Variants in APBA1 observed in about 807,000 individuals in gnomAD.
APBA1 encodes the protein amyloid beta precursor protein binding family A member 1.
In APBA1, 55 loss-of-function variants were observed where a neutral mutation model predicts 86.6. The ratio of observed to expected loss-of-function variants is 0.64; its 90% CI spans 0.51 to 0.80. The LOEUF (loss-of-function observed/expected upper bound fraction) is 0.80, where lower values mean the gene tolerates loss of function less well. Ranked by LOEUF, APBA1 falls within the 30% of genes least tolerant of loss-of-function variation. The pLI is 0.00. For synonymous variants in APBA1, 511 were observed against 493.9 expected (o/e 1.03, Z -0.46); for missense variants, 1,090 against 1,183.0 (o/e 0.92, Z 1.15).
chr9:69,597,385 T>G (rs1408293590), intron 1 of APBA1, among the ~76,000 whole-genome samples: 1 of 152,214 alleles, frequency 6.6e-6, no homozygotes, highest in Non-Finnish European at 1.5e-5. Context: ...TAAATTTGTT[T>G]GAGTTCATTG....
At position 69,512,370 on chromosome 9, in the gene APBA1, G is replaced by A. The variant is rs1050966340; in HGVS notation, c.1200+3641C>T. On this transcript the variant is annotated intron_variant, in intron 2 of 12. Transcript: ENST00000265381. Reference sequence around the variant, plus strand: ...AATGCCAGTTTGCTCCAAGAAAAAAGCACTTAAGTTCTGGGGGAATTAAAA... The same window carrying A: ...AATGCCAGTTTGCTCCAAGAAAAAAACACTTAAGTTCTGGGGGAATTAAAA... Among the ~76,000 whole-genome samples the A allele has an allele frequency of 8.5e-5, 13 of 152,082 alleles. 1 individual carries two copies. The highest frequency in any genetic ancestry group is 6.5e-5 in the Admixed American group (1 of 15,278).
chr9:69,602,895 A>T (rs1339234499), intron 1 of APBA1, among the ~76,000 whole-genome samples: 2 of 152,206 alleles, frequency 1.3e-5, no homozygotes, highest in Non-Finnish European at 2.9e-5. Flanking sequence ...TCTGGCAAAC[A>T]AAAAAATACA....
intron 1 of APBA1, among the ~76,000 whole-genome samples, chr9:69,623,381 C>G (rs774799757): frequency 1.3e-5 from 2 of 150,728 alleles, no homozygotes; most frequent in Non-Finnish European, 2.9e-5. Context: ...AAGACTTGCT[C>G]TCTGTTAAAA....
At chr9:69,476,187 C>A (rs377659402) in intron 2 of APBA1, 44 bp from the exon 3 acceptor site, 3 of 1,456,474 alleles carry the variant, frequency 2.1e-6, no homozygotes, top group South Asian at 1.2e-5. Flanking sequence ...TTGAGAGACT[C>A]GGCAGACACT....
intron 2 of APBA1, among the ~76,000 whole-genome samples, chr9:69,482,240 A>G (rs1163511485): frequency 1.3e-5 from 2 of 151,016 alleles, no homozygotes; most frequent in Non-Finnish European, 2.9e-5. Flanking sequence ...AAGGGCTAAT[A>G]TTCAGAATCT....
At chr9:69,600,694 G>T (rs1822331224) in intron 1 of APBA1, among the ~76,000 whole-genome samples, 1 of 151,934 alleles carries the variant, frequency 6.6e-6, no homozygotes, top group East Asian at 1.9e-4. Flanking sequence ...AGCTACTCGG[G>T]GGGCTGAGGC....
At chr9:69,588,025 CAAAAAAA>C (rs35212894) in intron 1 of APBA1, among the ~76,000 whole-genome samples, 4 of 106,680 alleles carry the variant, frequency 3.7e-5, no homozygotes, top group Non-Finnish European at 5.4e-5. Flanking sequence ...GACTCTGTCT[CAAAAAAA>C]AAAAAAAAAA....
intron 2 of APBA1, among the ~76,000 whole-genome samples, chr9:69,506,232 A>G (rs990891976): frequency 1.6e-4 from 24 of 151,750 alleles, no homozygotes; most frequent in African/African-American, 5.3e-4. Flanking sequence ...GAGCCAAAGC[A>G]GGGCGAGGCA....
In APBA1 at chr9:69,671,678, C is replaced by T. The variant is rs1588422259; in HGVS notation, c.-70+475G>A. On this transcript the variant is annotated intron_variant, in intron 1 of 12. Coordinates refer to ENST00000265381, the MANE Select transcript of APBA1 (RefSeq NM_001163.4). ...GCCCCTATCCCACTGCCTCCCTCCA[C>T]ACTTCACACACCAAGTGCATCCTGC... Among the ~76,000 whole-genome samples, 3 of 152,284 alleles carry T rather than the reference C, an allele frequency of 2.0e-5. No individual in the cohort carries two copies. The South Asian group carries it at 6.2e-4, about 32-fold the overall frequency.
chr9:69,661,329 G>C (rs566202445), intron 1 of APBA1, among the ~76,000 whole-genome samples: 18 of 152,276 alleles, frequency 1.2e-4, no homozygotes, highest in African/African-American at 4.3e-4. Flanking sequence ...TCAATGTCAT[G>C]ATGAAGGAAG....
chr9:69,472,274 G>A (rs1457008657), intron 3 of APBA1, among the ~76,000 whole-genome samples: 1 of 152,156 alleles, frequency 6.6e-6, no homozygotes, highest in Non-Finnish European at 1.5e-5. Flanking sequence ...AAAAACCCTG[G>A]AATTTCTTTT....
At chr9:69,579,430 G>A (rs999795489) in intron 1 of APBA1, among the ~76,000 whole-genome samples, 1 of 152,146 alleles carries the variant, frequency 6.6e-6, no homozygotes, top group Non-Finnish European at 1.5e-5. Context: ...AGGAATGTCT[G>A]TATTTTTCTG....
intron 2 of APBA1, among the ~76,000 whole-genome samples, chr9:69,500,297 G>C (rs1220283935): frequency 3.3e-5 from 5 of 152,098 alleles, no homozygotes; most frequent in African/African-American, 9.7e-5. Context: ...AGTGAGCTTT[G>C]ACTTCCAAAT....
chr9:69,640,942 G>T (rs902373816), intron 1 of APBA1, among the ~76,000 whole-genome samples: 1 of 112,742 alleles, frequency 8.9e-6, no homozygotes, highest in African/African-American at 2.6e-5. Context: ...GAGGGGAAAG[G>T]AGAGGGAGAA....
intron 5 of APBA1, among the ~76,000 whole-genome samples, chr9:69,458,547 G>C (rs1835137939): frequency 1.3e-5 from 2 of 152,012 alleles, no homozygotes; most frequent in Admixed American, 6.6e-5. Flanking sequence ...CTTTCTTTGG[G>C]TTTAATTTGC....
intron 2 of APBA1, among the ~76,000 whole-genome samples, chr9:69,495,706 C>T (rs1436114956): frequency 6.6e-6 from 1 of 152,008 alleles, no homozygotes; most frequent in Non-Finnish European, 1.5e-5. Context: ...TGAATTGCTA[C>T]CAGAAACTTT....
At chr9:69,632,735 C>A (rs1171937668) in intron 1 of APBA1, among the ~76,000 whole-genome samples, 1 of 152,140 alleles carries the variant, frequency 6.6e-6, no homozygotes, top group Non-Finnish European at 1.5e-5. Flanking sequence ...TCATACTTAT[C>A]ATTTTGCTGT....
chr9:69,477,164 G>A (rs1182945530), intron 2 of APBA1, among the ~76,000 whole-genome samples: 1 of 152,086 alleles, frequency 6.6e-6, no homozygotes, highest in Non-Finnish European at 1.5e-5. Flanking sequence ...CTCCCAGCGT[G>A]AGCGACACAG....
intron 5 of APBA1, among the ~76,000 whole-genome samples, chr9:69,467,090 C>T (rs1051376304): frequency 2.0e-5 from 3 of 152,134 alleles, no homozygotes; most frequent in Admixed American, 6.5e-5. Flanking sequence ...TCCTGGTTTG[C>T]CCATGATTCT....
Sources: gnomAD v4.1 joint callset for allele counts (sites outside exome capture counted in the v4.1 genomes callset) on GRCh38, gnomAD v4.1.1 for gene constraint, MANE v1.5 for transcripts, NCBI Gene and HGNC (gene_info 2026-07-23, HGNC 2026-07-21) for gene names.